The following AQP1 variants were observed in gnomAD, a reference collection of about 807,000 sequenced individuals.
AQP1 encodes the protein aquaporin 1 (Colton blood group).
Under a neutral mutation model 19.7 loss-of-function variants are expected in AQP1, and 11 were observed. The observed-to-expected ratio is 0.56, with a 90% CI of 0.35 to 0.92. The LOEUF (loss-of-function observed/expected upper bound fraction) is 0.92. Ranked by LOEUF, AQP1 falls within the 40% of genes least tolerant of loss-of-function variation. The pLI, the probability that AQP1 is intolerant of heterozygous loss-of-function variation, is 0.01. For synonymous variants in AQP1, 159 were observed against 166.7 expected, an observed-to-expected ratio of 0.95 and a Z score of 0.36; for missense variants, 320 against 369.7, an observed-to-expected ratio of 0.87 and a Z score of 1.10.
chr7:30,920,775 C>T lies in AQP1; in HGVS notation c.385-1291C>T, dbSNP rs1222530049. On this transcript the variant is annotated intron_variant, in intron 1 of 3. Coordinates refer to ENST00000311813, the MANE Select transcript of AQP1 (RefSeq NM_198098.4). ...AACTGGGCATTGGCCAGAGGGCTGG[C>T]GGACCTAAGGGATGTAGCCCTGGGG... Among the ~76,000 whole-genome samples the T allele has an allele frequency of 3.9e-5, 6 of 152,308 alleles. No individual in the cohort carries two copies. The East Asian group carries it at 9.7e-4, about 25-fold the overall frequency.
At position 30,923,938 on chromosome 7, in the gene AQP1, G is replaced by A. The variant is rs765415762; in HGVS notation, c.*309G>A. ...CCCCTCAGAGCATGATGGGAGGTGT[G>A]CCAGAAAGTCCCCCCTCGCCCCAAA... On this transcript the variant is annotated 3_prime_UTR_variant, in exon 4 of 4. Transcript: ENST00000311813. The surrounding 1 kb of genome is among the most constrained non-coding windows in gnomAD (Gnocchi z 4.8). 7.0e-7 allele frequency: 1 copy of A among 1,430,546 alleles called. No individual in the cohort carries two copies. The highest frequency in any genetic ancestry group is 1.1e-5 in the South Asian group (1 of 87,336). 88.6% of individuals were successfully genotyped at this position (1,430,546 alleles called of 1,614,324 possible). A position where few individuals can be genotyped will look rare whatever the true frequency, so the allele number is the denominator to read the frequency against.
Position 30,923,593 on chromosome 7 carries a change from C to T in AQP1, c.774C>T (p.Asp258=), listed in dbSNP as rs375061904. 70 of 1,610,618 alleles carry T rather than the reference C, an allele frequency of 4.3e-5. No homozygotes were observed. In the Admixed American group the frequency reaches 6.7e-4, roughly 15 times the overall value. ...TGGAGGAGTATGACCTGGATGCCGACGACATCAACTCCAGGGTGGAGATGA... is the reference window on the plus strand; with the variant it reads ...TGGAGGAGTATGACCTGGATGCCGATGACATCAACTCCAGGGTGGAGATGA... ...GQVEEYDLDA[D]DINSRVEMKP... Residue 258 remains aspartate (D), a synonymous_variant, in exon 4 of 4, where the codon GAC becomes GAT. Coordinates refer to ENST00000311813, the MANE Select transcript of AQP1 (RefSeq NM_198098.4). This position sits in a 1 kb window ranked among gnomAD's most constrained non-coding sequence, Gnocchi z 4.8.
chr7:30,923,679 G>A lies in AQP1; in HGVS notation c.*50G>A, dbSNP rs1200907102. On this transcript the variant is annotated 3_prime_UTR_variant, in exon 4 of 4. Transcript: ENST00000311813. The surrounding 1 kb of genome is among the most constrained non-coding windows in gnomAD (Gnocchi z 4.8). ...GTAGGGGGCAGGGGCAGGGGCGGGC[G>A]GAGGGAGGGGAGGGGTGAAATCCAT... 14 of 1,516,182 alleles carry A rather than the reference G, an allele frequency of 9.2e-6. No individual in the cohort carries two copies. Among genetic ancestry groups the A allele is most frequent in the Admixed American group, 6.0e-5 (3 of 49,796 alleles). 93.9% of individuals were successfully genotyped at this position (1,516,182 alleles called of 1,614,324 possible).
intron 1 of AQP1, among the ~76,000 whole-genome samples, chr7:30,918,194 G>A (rs1238428101): frequency 6.6e-6 from 1 of 152,052 alleles, no homozygotes; most frequent in East Asian, 1.9e-4. Context: ...GGGTTTAACC[G>A]TGTTAGCCAG....
At chr7:30,921,970 A>G in intron 1 of AQP1, 96 bp from the exon 2 acceptor site, 1 of 1,588,866 alleles carries the variant, frequency 6.3e-7, no homozygotes, top group Non-Finnish European at 8.6e-7. Flanking sequence ...TCCGCCCTTC[A>G]TGCCTGGGCC....
Position 30,912,200 on chromosome 7 carries a change from C to T in AQP1, c.291C>T (p.Tyr97=). 3 of 1,612,072 alleles carry T rather than the reference C, an allele frequency of 1.9e-6. No homozygotes were observed. The highest frequency in any genetic ancestry group is 2.5e-6 in the Non-Finnish European group (3 of 1,180,016). Reference sequence around the variant, plus strand: ...TCAGCATCTTCCGTGCCCTCATGTACATCATCGCCCAGTGCGTGGGGGCCA... The same window carrying T: ...TCAGCATCTTCCGTGCCCTCATGTATATCATCGCCCAGTGCGTGGGGGCCA... The part of the protein sequence containing the change: ...CQISIFRALM[Y]IIAQCVGAIV... Residue 97 remains tyrosine, a synonymous_variant, in exon 1 of 4, where the codon TAC becomes TAT. Transcript: ENST00000311813. The surrounding 1 kb of genome is among the most constrained non-coding windows in gnomAD (Gnocchi z 4.3).
rs183830991 is a variant in AQP1, at chr7:30,912,187, G to C, written c.278G>C (p.Arg93Pro). ...CTCAGCTGCCAGATCAGCATCTTCC[G>C]TGCCCTCATGTACATCATCGCCCAG... ...LLLSCQISIFRALMYIIAQCV... is the reference protein window; with the variant it reads ...LLLSCQISIFPALMYIIAQCV... Residue 93 changes from arginine to proline, a missense_variant, in exon 1 of 4, where the codon CGT (arginine) becomes CCT (proline). Arg to Pro is a moderately radical substitution (Grantham distance 103). Coordinates refer to ENST00000311813, the MANE Select transcript of AQP1 (RefSeq NM_198098.4). The surrounding 1 kb of genome is among the most constrained non-coding windows in gnomAD (Gnocchi z 4.3). 1 of 1,612,264 alleles carries C rather than the reference G, an allele frequency of 6.2e-7. No individual in the cohort carries two copies. Among genetic ancestry groups the C allele is most frequent in the Non-Finnish European group, 8.5e-7 (1 of 1,180,030 alleles).
At chr7:30,918,380 A>G (rs1259683567) in intron 1 of AQP1, among the ~76,000 whole-genome samples, 1 of 152,212 alleles carries the variant, frequency 6.6e-6, no homozygotes, top group Non-Finnish European at 1.5e-5. Flanking sequence ...TCAGCCCTGG[A>G]CACATGTGGT....
Position 30,922,552 on chromosome 7 carries a change from T to C in AQP1, c.550-12T>C. 6.2e-7 allele frequency: 1 copy of C among 1,612,994 alleles called. No individual in the cohort carries two copies. Among genetic ancestry groups the C allele is most frequent in the Non-Finnish European group, 8.5e-7 (1 of 1,178,924 alleles). ...CTGCCTTCGCCCCTCCCTCTGTTTC[T>C]TTCCCTCACAGATTGACTACACTGG... On this transcript the variant is annotated splice_polypyrimidine_tract_variant and intron_variant, in intron 2 of 3. Coordinates refer to ENST00000311813, the MANE Select transcript of AQP1 (RefSeq NM_198098.4).
chr7:30,913,753 G>C (rs28362695), intron 1 of AQP1, among the ~76,000 whole-genome samples: 2,471 of 152,288 alleles, frequency 0.016, 56 homozygotes, highest in African/African-American at 0.057. Context: ...TTGAAGATTA[G>C]CTCCGTGGGC....
chr7:30,914,294 A>G (rs1791255353), intron 1 of AQP1, among the ~76,000 whole-genome samples: 1 of 152,142 alleles, frequency 6.6e-6, no homozygotes, highest in Non-Finnish European at 1.5e-5. Context: ...GTCCACTGCT[A>G]ACTTGTTGAG....
At chr7:30,918,792 G>A (rs1441278132) in intron 1 of AQP1, among the ~76,000 whole-genome samples, 1 of 152,206 alleles carries the variant, frequency 6.6e-6, no homozygotes, top group Non-Finnish European at 1.5e-5. Context: ...CACACTGGCA[G>A]CCACAGAACC....
Position 30,925,285 on chromosome 7 carries a change from C to T in AQP1, c.*1656C>T, listed in dbSNP as rs1246885427. The T allele has an allele frequency of 6.6e-6, 1 of 152,180 alleles. No homozygotes were observed. Among genetic ancestry groups the T allele is most frequent in the Non-Finnish European group, 1.5e-5 (1 of 68,044 alleles). 9.4% of individuals were successfully genotyped at this position (152,180 alleles called of 1,614,324 possible). A position where few individuals can be genotyped will look rare whatever the true frequency, so the allele number is the denominator to read the frequency against. On this transcript the variant is annotated 3_prime_UTR_variant, in exon 4 of 4. Transcript: ENST00000311813. The stretch of plus-strand genomic sequence containing the variant: ...GCCCTGTCTCTGGCTACTCCCTGGA[C>T]CACGAGGCTGATTCCTCTCATTTCC...
In AQP1 at chr7:30,923,750, C is replaced by T; in HGVS notation, c.*121C>T. 2.0e-6 allele frequency: 3 copies of T among 1,502,138 alleles called. No homozygotes were observed. In the South Asian group the frequency reaches 4.0e-5, roughly 20 times the overall value. 93.1% of individuals were successfully genotyped at this position (1,502,138 alleles called of 1,614,324 possible). ...CTGGCCAAAGTCACTTCCCCAAGATCTGCCAGACCTGCATGGTCAAGCCTC... is the reference window on the plus strand; with the variant it reads ...CTGGCCAAAGTCACTTCCCCAAGATTTGCCAGACCTGCATGGTCAAGCCTC... On this transcript the variant is annotated 3_prime_UTR_variant, in exon 4 of 4. Transcript: ENST00000311813. This position sits in a 1 kb window ranked among gnomAD's most constrained non-coding sequence, Gnocchi z 4.8.
chr7:30,913,529 G>A (rs1458999019), intron 1 of AQP1: 1 of 152,214 alleles, frequency 6.6e-6, no homozygotes, highest in African/African-American at 2.4e-5. Context: ...CATCTCTGAG[G>A]GCGCCTCAGA....
chr7:30,920,418 G>A (rs995268397), intron 1 of AQP1, among the ~76,000 whole-genome samples: 11 of 152,122 alleles, frequency 7.2e-5, no homozygotes, highest in Non-Finnish European at 1.3e-4. Flanking sequence ...CTAACTCTGG[G>A]CAGGCTTCTG....
chr7:30,921,222 CG>C, intron 1 of AQP1: 2 of 1,088,528 alleles, frequency 1.8e-6, no homozygotes, highest in South Asian at 3.7e-5. Flanking sequence ...AGGGGTCCTC[CG>C]GGGGCAGCTG....
intron 1 of AQP1, among the ~76,000 whole-genome samples, chr7:30,920,111 C>T (rs1450365694): frequency 1.3e-5 from 2 of 152,172 alleles, no homozygotes; most frequent in East Asian, 3.8e-4. Flanking sequence ...GGTTAAGAAC[C>T]AGAGGAGATG....
Position 30,924,376 on chromosome 7 carries a change from G to A in AQP1, c.*747G>A. The A allele has an allele frequency of 5.9e-6, 1 of 170,568 alleles. No individual in the cohort carries two copies. The highest frequency in any genetic ancestry group is 1.3e-5 in the Non-Finnish European group (1 of 78,276). 10.6% of individuals were successfully genotyped at this position (170,568 alleles called of 1,614,324 possible). ...CATGACTGTCGCCACACGCCTCTGT[G>A]TACATGTGTGCAGAGCAGACAGGCT... On this transcript the variant is annotated 3_prime_UTR_variant, in exon 4 of 4. Transcript: ENST00000311813.
Sources: allele counts gnomAD v4.1 joint callset (sites outside exome capture counted in the v4.1 genomes callset), GRCh38; gene constraint gnomAD v4.1.1; non-coding constraint Gnocchi (gnomAD v3.1); transcripts MANE v1.5; gene names NCBI Gene and HGNC (gene_info 2026-07-23, HGNC 2026-07-21).